Variants in SORL1 observed in about 807,000 individuals in gnomAD.
The protein encoded by SORL1 is sortilin related receptor 1.
A neutral mutation model predicts 273.7 loss-of-function variants in SORL1; 127 were observed. The ratio of observed to expected loss-of-function variants is 0.46; its 90% CI spans 0.40 to 0.54. The LOEUF is 0.54. SORL1 is among the 20% of genes least tolerant of loss of function. The pLI is 0.00. For synonymous variants in SORL1, 1,031 were observed against 1,067.4 expected (o/e 0.97, Z 0.66); for missense variants, 2,494 against 2,846.1 (o/e 0.88, Z 2.81).
rs1486400441 is a variant in SORL1 at position 121,566,940 on chromosome 11, G to GA, written c.3052dup (p.Ser1018LysfsTer21). On this transcript the variant is annotated frameshift_variant and splice_region_variant, in exon 22 of 48. Coordinates refer to ENST00000260197, the MANE Select transcript of SORL1 (RefSeq NM_003105.6). LOFTEE classifies it high-confidence loss of function. Reference sequence around the variant, plus strand: ...CTGCTGCTGTTTGTCTTCCCTCCAGGAAGCAATGCCTGTGTGCCCAGGCCA... The same window carrying GA: ...CTGCTGCTGTTTGTCTTCCCTCCAGGAAAGCAATGCCTGTGTGCCCAGGCCA... 1 of 1,612,686 alleles carries GA rather than the reference G, an allele frequency of 6.2e-7. No homozygotes were observed. Among genetic ancestry groups the GA allele is most frequent in the Admixed American group, 1.7e-5 (1 of 59,826 alleles).
chr11:121,579,954 T>C (rs1022987738), intron 25 of SORL1, among the ~76,000 whole-genome samples: 2 of 152,240 alleles, frequency 1.3e-5, no homozygotes, highest in African/African-American at 2.4e-5. Context: ...AGGCTTTTAG[T>C]AATTTTCCGT....
At chr11:121,490,945 G>A (rs1861544064) in intron 5 of SORL1, among the ~76,000 whole-genome samples, 1 of 152,152 alleles carries the variant, frequency 6.6e-6, no homozygotes, top group South Asian at 2.1e-4. Context: ...AGTATGAGAA[G>A]CTAGAGAGAG....
chr11:121,578,074 A>G (rs1371150363), intron 25 of SORL1, among the ~76,000 whole-genome samples: 2 of 152,162 alleles, frequency 1.3e-5, no homozygotes, highest in Admixed American at 6.5e-5. Flanking sequence ...TTTGTACCCC[A>G]TTGTAATTTG....
At position 121,514,280 on chromosome 11, in the gene SORL1, C is replaced by CT; in HGVS notation, c.1171dup (p.Tyr391LeufsTer10). On this transcript the variant is annotated frameshift_variant, in exon 8 of 48. Coordinates refer to ENST00000260197, the MANE Select transcript of SORL1 (RefSeq NM_003105.6). LOFTEE classifies it high-confidence loss of function. ...TCTCCCTGTCCTTGGAGAACGTGCT[C>CT]TATTACAGCCCAGGAGGGGCCGGCA... The CT allele has an allele frequency of 6.2e-7, 1 of 1,614,170 alleles. No homozygotes were observed. Among genetic ancestry groups the CT allele is most frequent in the Non-Finnish European group, 8.5e-7 (1 of 1,180,032 alleles).
intron 9 of SORL1, 42 bp from the exon 10 acceptor site, chr11:121,522,544 T>C (rs1862055403): frequency 7.2e-7 from 1 of 1,397,558 alleles, no homozygotes; most frequent in Non-Finnish European, 1.0e-6. Flanking sequence ...ACGCTAGGCA[T>C]GGTATCATGT....
intron 25 of SORL1, among the ~76,000 whole-genome samples, chr11:121,581,397 A>G (rs1863013402): frequency 6.6e-6 from 1 of 152,198 alleles, no homozygotes; most frequent in Non-Finnish European, 1.5e-5. Context: ...ATTGACCTAT[A>G]TTAGAAACTG....
At chr11:121,623,865 G>A (rs1419753354) in intron 45 of SORL1, among the ~76,000 whole-genome samples, 2 of 152,204 alleles carry the variant, frequency 1.3e-5, no homozygotes, top group Non-Finnish European at 2.9e-5. Flanking sequence ...CGTTTCCACA[G>A]TGCCAATAAA....
At chr11:121,459,849 T>C (rs776228434) in intron 1 of SORL1, among the ~76,000 whole-genome samples, 1 of 152,218 alleles carries the variant, frequency 6.6e-6, no homozygotes, top group Non-Finnish European at 1.5e-5. Context: ...AGACAAACAC[T>C]ACAGGCGTGT....
In SORL1 at chr11:121,605,541, G is replaced by A. The variant is rs776151719; in HGVS notation, c.4918G>A (p.Asp1640Asn). 30 of 1,614,100 alleles carry A rather than the reference G, an allele frequency of 1.9e-5. No individual in the cohort carries two copies. The highest frequency in any genetic ancestry group is 2.4e-5 in the Non-Finnish European group (28 of 1,179,960). ...QCLSKAHNTNDFVTLRTPEGL... is the reference protein window; with the variant it reads ...QCLSKAHNTNNFVTLRTPEGL... ...TCTCAGCAAGGCACACAACACCAAT[G>A]ACTTTGTGACCCTGAGGACCCCAGA... The change falls in exon 35 of 48, where the codon GAC (aspartate) becomes AAC (asparagine). Residue 1640 changes from aspartate (D) to asparagine (N), a missense_variant. By Grantham distance (23) the Asp-to-Asn change is conservative. Transcript: ENST00000260197.
In SORL1 at chr11:121,550,712, G is replaced by C. The variant is rs779137333; in HGVS notation, c.2266+42G>C. ...CTTCCCTTTCATTTCTTGAGACATG[G>C]TTGAAGCAGTATCACGATCTCACCC... On this transcript the variant is annotated intron_variant, in intron 16 of 47. Transcript: ENST00000260197. This position sits in a 1 kb window ranked among gnomAD's most constrained non-coding sequence, Gnocchi z 5.3. 2 of 1,507,478 alleles carry C rather than the reference G, an allele frequency of 1.3e-6. No individual in the cohort carries two copies. Among genetic ancestry groups the C allele is most frequent in the South Asian group, 2.3e-5 (2 of 87,700 alleles). 93.4% of individuals were successfully genotyped at this position (1,507,478 alleles called of 1,614,324 possible).
intron 28 of SORL1, 150 bp downstream of exon 28, chr11:121,588,301 T>A: frequency 1.3e-6 from 1 of 758,278 alleles, no homozygotes; most frequent in Non-Finnish European, 2.1e-6. Context: ...CACCTCTATT[T>A]AGCTTACATG....
chr11:121,583,657 G>A, intron 26 of SORL1, 74 bp downstream of exon 26: 2 of 1,488,682 alleles, frequency 1.3e-6, no homozygotes, highest in Non-Finnish European at 1.8e-6. Context: ...GCCACAGAGA[G>A]CCAGGGGATG....
chr11:121,590,986 T>C lies in SORL1; in HGVS notation c.4214-15T>C. ...TTCTAATGTTTTGGGTTTCCGTGCT[T>C]GGTGTTTTTCTCAGATTCACATATT... is the stretch of plus-strand genomic sequence containing the variant. On this transcript the variant is annotated splice_polypyrimidine_tract_variant and intron_variant, in intron 30 of 47. Transcript: ENST00000260197. 6.2e-7 allele frequency: 1 copy of C among 1,614,174 alleles called. No individual in the cohort carries two copies. The highest frequency in any genetic ancestry group is 8.5e-7 in the Non-Finnish European group (1 of 1,180,006).
intron 11 of SORL1, among the ~76,000 whole-genome samples, chr11:121,523,672 G>A (rs1862075414): frequency 6.6e-6 from 1 of 151,918 alleles, no homozygotes; most frequent in Non-Finnish European, 1.5e-5. Context: ...AAGTGCGTTT[G>A]GTCTCGTTCT....
chr11:121,589,056 G>T (rs375706541), intron 28 of SORL1, among the ~76,000 whole-genome samples: 1 of 152,150 alleles, frequency 6.6e-6, no homozygotes, highest in Non-Finnish European at 1.5e-5. Context: ...AACACGACTC[G>T]GTAAAGATTC....
At position 121,606,966 on chromosome 11, in the gene SORL1, C is replaced by A; in HGVS notation, c.5061+9C>A. 6.3e-7 allele frequency: 1 copy of A among 1,586,046 alleles called. No homozygotes were observed. Among genetic ancestry groups the A allele is most frequent in the Non-Finnish European group, 8.7e-7 (1 of 1,154,548 alleles). On this transcript the variant is annotated intron_variant, in intron 36 of 47. Transcript: ENST00000260197. ...TCATCCGTGAGTACATTGTAAGTACCTTCCATGAGTTGGCTGTATGTGTGT... is the reference window on the plus strand; with the variant it reads ...TCATCCGTGAGTACATTGTAAGTACATTCCATGAGTTGGCTGTATGTGTGT...
chr11:121,570,305 A>G (rs755212151), intron 23 of SORL1, 35 bp downstream of exon 23: 2 of 1,516,214 alleles, frequency 1.3e-6, no homozygotes, highest in East Asian at 2.3e-5. Flanking sequence ...AGCACTTACC[A>G]TTACTCAGAA....
At chr11:121,541,113 G>A (rs554357459) in intron 12 of SORL1, among the ~76,000 whole-genome samples, 37 of 152,266 alleles carry the variant, frequency 2.4e-4, no homozygotes, top group African/African-American at 8.9e-4. Flanking sequence ...AGATTTGTAG[G>A]GGGAGATTAC....
At chr11:121,629,220 G>A (rs1863839797) in intron 47 of SORL1, 1 of 450,122 alleles carries the variant, frequency 2.2e-6, no homozygotes, top group Non-Finnish European at 3.9e-6. Flanking sequence ...TAGGTAATAA[G>A]AGTCTTCTCC....
Sources: allele counts gnomAD v4.1 joint callset (sites outside exome capture counted in the v4.1 genomes callset), GRCh38; gene constraint gnomAD v4.1.1; non-coding constraint Gnocchi (gnomAD v3.1); transcripts MANE v1.5; gene names NCBI Gene and HGNC (gene_info 2026-07-23, HGNC 2026-07-21).